NDST4: variants seen among roughly 807,000 people sequenced by gnomAD.
NDST4 encodes the protein N-heparan sulfate sulfotransferase 4.
A neutral mutation model predicts 100.8 loss-of-function variants in NDST4; 63 were observed. The ratio of observed to expected loss-of-function variants is 0.62; its 90% CI spans 0.51 to 0.77. The LOEUF (loss-of-function observed/expected upper bound fraction) is 0.77. Among genes scored for constraint, NDST4 ranks in the 30% least tolerant of loss-of-function variants. NDST4 has a pLI of 0.00. For synonymous variants in NDST4, 377 were observed against 361.8 expected (o/e 1.04, Z -0.48); for missense variants, 943 against 1,018.4 (o/e 0.93, Z 1.01).
chr4:114,914,359 G>A (rs1036975070), intron 6 of NDST4, among the ~76,000 whole-genome samples: 3 of 151,894 alleles, frequency 2.0e-5, no homozygotes, highest in African/African-American at 7.3e-5. Flanking sequence ...ATAAATGAGA[G>A]GACAGATACC....
At chr4:114,953,837 A>G (rs1249501153) in intron 4 of NDST4, among the ~76,000 whole-genome samples, 1 of 152,186 alleles carries the variant, frequency 6.6e-6, no homozygotes, top group Non-Finnish European at 1.5e-5. Flanking sequence ...ATTAACAGAC[A>G]TAATGATGAA....
intron 4 of NDST4, among the ~76,000 whole-genome samples, chr4:114,967,806 T>G (rs533141672): frequency 6.6e-6 from 1 of 152,244 alleles, no homozygotes; most frequent in South Asian, 2.1e-4. Flanking sequence ...ATTAGGTGTT[T>G]TAAAAGCAAG....
intron 2 of NDST4, among the ~76,000 whole-genome samples, chr4:115,073,233 A>G (rs1578501053): frequency 6.6e-6 from 1 of 151,990 alleles, no homozygotes; most frequent in Non-Finnish European, 1.5e-5. Context: ...TAAACAGTAT[A>G]GCCACTATGG....
At chr4:115,006,006 T>C (rs1727406087) in intron 2 of NDST4, among the ~76,000 whole-genome samples, 2 of 122,018 alleles carry the variant, frequency 1.6e-5, no homozygotes, top group African/African-American at 6.7e-5. Context: ...CACTCCAGCC[T>C]GGGTGACAGA....
At chr4:114,975,026 G>T (rs978695350) in intron 3 of NDST4, among the ~76,000 whole-genome samples, 2 of 152,048 alleles carry the variant, frequency 1.3e-5, no homozygotes, top group Non-Finnish European at 2.9e-5. Flanking sequence ...GCACATGTAA[G>T]GAATGCACCT....
intron 2 of NDST4, among the ~76,000 whole-genome samples, chr4:115,048,988 G>A (rs939029191): frequency 7.9e-5 from 12 of 152,060 alleles, no homozygotes; most frequent in African/African-American, 2.9e-4. Flanking sequence ...ATAATTGTAG[G>A]AGAAAAACAA....
intron 6 of NDST4, among the ~76,000 whole-genome samples, chr4:114,874,315 CTTTG>C (rs1553950451): frequency 3.3e-5 from 5 of 151,892 alleles, no homozygotes. Flanking sequence ...GGAGGATAAG[CTTTG>C]TTTGATGGAA....
chr4:115,103,084 A>G (rs1248205739), intron 1 of NDST4, among the ~76,000 whole-genome samples: 2 of 152,070 alleles, frequency 1.3e-5, no homozygotes, highest in Non-Finnish European at 2.9e-5. Flanking sequence ...TTTTTGGGTG[A>G]TATAACAAGA....
intron 2 of NDST4, among the ~76,000 whole-genome samples, chr4:115,056,205 A>G (rs1728690658): frequency 6.6e-6 from 1 of 151,928 alleles, no homozygotes. Flanking sequence ...TATAAACATG[A>G]GCCAAGCATG....
chr4:114,851,310 G>GT (rs1199367545), intron 8 of NDST4, among the ~76,000 whole-genome samples: 52 of 151,954 alleles, frequency 3.4e-4, no homozygotes, highest in Non-Finnish European at 1.5e-5. Context: ...TACTACAACC[G>GT]TTTTTATATT....
intron 6 of NDST4, among the ~76,000 whole-genome samples, chr4:114,894,936 A>C (rs545227446): frequency 5.9e-5 from 9 of 152,146 alleles, no homozygotes; most frequent in African/African-American, 2.2e-4. Context: ...GTTTATTGAG[A>C]GTTTTTAACA....
At chr4:114,946,456 T>C (rs1335371335) in intron 4 of NDST4, among the ~76,000 whole-genome samples, 1 of 152,134 alleles carries the variant, frequency 6.6e-6, no homozygotes, top group African/African-American at 2.4e-5. Context: ...GGTTGCAAAA[T>C]TAAATAGATC....
chr4:115,014,123 C>T (rs1046001869), intron 2 of NDST4, among the ~76,000 whole-genome samples: 1 of 151,998 alleles, frequency 6.6e-6, no homozygotes, highest in African/African-American at 2.4e-5. Flanking sequence ...CTGTCAAATG[C>T]CTTTTACTTC....
intron 2 of NDST4, among the ~76,000 whole-genome samples, chr4:115,006,822 C>A (rs1159515025): frequency 1.3e-5 from 2 of 152,054 alleles, no homozygotes; most frequent in Non-Finnish European, 2.9e-5. Context: ...AGAAAGCCAA[C>A]TACAGCACCT....
intron 6 of NDST4, among the ~76,000 whole-genome samples, chr4:114,904,337 C>T (rs1425137522): frequency 6.6e-6 from 1 of 151,776 alleles, no homozygotes; most frequent in African/African-American, 2.4e-5. Context: ...GAATGATAAG[C>T]AAGGTACAGA....
Position 114,929,015 on chromosome 4 carries a change from CCTAT to C in NDST4, c.1536+6187_1536+6190del, listed in dbSNP as rs200532165. Among the ~76,000 whole-genome samples, 547 of 149,052 alleles carry C rather than the reference CCTAT, an allele frequency of 3.7e-3. 6 individuals carry two copies. Among genetic ancestry groups the C allele is most frequent in the African/African-American group, 0.012 (494 of 39,982 alleles). On this transcript the variant is annotated intron_variant, in intron 6 of 13. Coordinates refer to ENST00000264363, the MANE Select transcript of NDST4 (RefSeq NM_022569.3). ...TAATCTCTCTGCCTCTCTCTATATCCCTATCTATCTGTCTGTCTGTCTGTCTGTC... is the reference window on the plus strand; with the variant it reads ...TAATCTCTCTGCCTCTCTCTATATCCCTATCTGTCTGTCTGTCTGTCTGTC...
intron 6 of NDST4, among the ~76,000 whole-genome samples, chr4:114,908,938 T>A (rs1271648833): frequency 6.6e-6 from 1 of 152,300 alleles, no homozygotes; most frequent in South Asian, 2.1e-4. Context: ...ACATGAAATG[T>A]GTGCCAATAT....
intron 7 of NDST4, among the ~76,000 whole-genome samples, chr4:114,858,539 C>G (rs111602669): frequency 7.2e-5 from 11 of 152,168 alleles, no homozygotes; most frequent in African/African-American, 2.7e-4. Flanking sequence ...GTTGAGGTAC[C>G]AGCTTGAAGA....
intron 6 of NDST4, among the ~76,000 whole-genome samples, chr4:114,925,350 T>A (rs1316264562): frequency 1.3e-5 from 2 of 152,308 alleles, no homozygotes; most frequent in East Asian, 3.9e-4. Context: ...TTACCTCATC[T>A]ATGCAGCTCT....
Sources: allele counts gnomAD v4.1 joint callset (sites outside exome capture counted in the v4.1 genomes callset), GRCh38; gene constraint gnomAD v4.1.1; transcripts MANE v1.5; gene names NCBI Gene and HGNC (gene_info 2026-07-23, HGNC 2026-07-21).